Variants in UPP2 observed in about 807,000 individuals in gnomAD.
UPP2 encodes the protein UPase 2.
In UPP2, 23 loss-of-function variants were observed where a neutral mutation model predicts 26.7. That is an observed-to-expected ratio of 0.86 (90% CI 0.62 to 1.22). The LOEUF is 1.22. UPP2 is among the 50% of genes most tolerant of loss of function. The pLI, the probability that UPP2 is intolerant of heterozygous loss-of-function variation, is 0.00. For synonymous variants in UPP2, 127 were observed against 141.3 expected (o/e 0.90, Z 0.72); for missense variants, 387 against 396.7 (o/e 0.98, Z 0.21).
At chr2:158,033,609 G>A (rs1276347229) in intron 3 of UPP2, among the ~76,000 whole-genome samples, 3 of 152,158 alleles carry the variant, frequency 2.0e-5, no homozygotes, top group African/African-American at 7.2e-5. Context: ...TCCATGTAGG[G>A]CAATTCCTTG....
chr2:158,047,998 A>G (rs559215712), intron 3 of UPP2, among the ~76,000 whole-genome samples: 7 of 147,782 alleles, frequency 4.7e-5, no homozygotes, highest in African/African-American at 1.9e-4. Flanking sequence ...CTGAGCAGAG[A>G]GTTCAGTGAG....
At chr2:158,124,149 C>T (rs899145514) in intron 6 of UPP2, among the ~76,000 whole-genome samples, 5 of 152,164 alleles carry the variant, frequency 3.3e-5, no homozygotes, top group Admixed American at 1.3e-4. Context: ...ACAGCAAGTT[C>T]AGTTTCCTTC....
rs1444068597 is a variant in UPP2, at chr2:158,066,627, A to ATC, written c.148-35412_148-35411insCT. 2.8e-3 allele frequency among the ~76,000 whole-genome samples: 205 copies of ATC among 72,982 alleles called. 2 individuals carry two copies. The highest frequency in any genetic ancestry group is 0.011 in the African/African-American group (198 of 17,808). The allele number at this position is 72,982 out of a possible 152,430, so 47.9% of individuals were successfully genotyped here. On this transcript the variant is annotated intron_variant, in intron 3 of 9. Coordinates refer to the UPP2 transcript ENST00000605860. ...AAATATCAGATTTGTTTAACCATTG[A>ATC]TTCTTTTTTTTTTTTTACCATGTCT...
intron 3 of UPP2, among the ~76,000 whole-genome samples, chr2:158,036,819 G>A (rs1684008391): frequency 6.6e-6 from 1 of 152,042 alleles, no homozygotes; most frequent in Non-Finnish European, 1.5e-5. Flanking sequence ...GTTGAAAGGG[G>A]GCACAGTCAA....
intron 2 of UPP2, among the ~76,000 whole-genome samples, chr2:158,006,718 T>A (rs1438796843): frequency 1.3e-5 from 2 of 152,296 alleles, no homozygotes; most frequent in East Asian, 1.9e-4. Flanking sequence ...CCATCTCCAG[T>A]GGGCGTCTTC....
upstream of UPP2, chr2:158,101,862 A>C: frequency 7.4e-7 from 1 of 1,343,712 alleles, no homozygotes; most frequent in South Asian, 2.0e-5. Context: ...GTCAGGGAGG[A>C]CATCTTTTAT....
At chr2:158,101,108 G>A (rs1297748661), upstream of UPP2, among the ~76,000 whole-genome samples, 3 of 152,178 alleles carry the variant, frequency 2.0e-5, no homozygotes, top group Non-Finnish European at 4.4e-5. Flanking sequence ...TTGCCTGAAA[G>A]CCATGAGACT....
At chr2:158,096,897 A>C (rs6437132), upstream of UPP2, among the ~76,000 whole-genome samples, 17,026 of 152,042 alleles carry the variant, frequency 0.11, 1,938 homozygotes, top group African/African-American at 0.29. Flanking sequence ...TACTTCCCAA[A>C]TTTAGGGTTA....
chr2:158,040,185 G>A (rs1684064900), intron 3 of UPP2, among the ~76,000 whole-genome samples: 1 of 152,182 alleles, frequency 6.6e-6, no homozygotes. Flanking sequence ...TCTCCCACTG[G>A]CTTCCCTCCT....
chr2:158,127,950 G>A (rs1683729121), intron 6 of UPP2: 3 of 967,670 alleles, frequency 3.1e-6, no homozygotes, highest in Non-Finnish European at 2.5e-6. Flanking sequence ...GCACATATCT[G>A]TGTCTCTCTT....
intron 2 of UPP2, chr2:157,995,268 G>A: frequency 6.2e-7 from 1 of 1,613,532 alleles, no homozygotes; most frequent in South Asian, 1.1e-5. Flanking sequence ...AGGTTAGTGA[G>A]GGAAGAGGAG....
At chr2:158,058,203 G>C (rs533746631) in intron 3 of UPP2, among the ~76,000 whole-genome samples, 1 of 150,622 alleles carries the variant, frequency 6.6e-6, no homozygotes, top group South Asian at 2.1e-4. Flanking sequence ...TGAGGCAGGA[G>C]AATGGCATGA....
intron 3 of UPP2, among the ~76,000 whole-genome samples, chr2:158,023,831 A>C (rs72936813): frequency 0.074 from 11,328 of 152,130 alleles, 479 homozygotes; most frequent in Non-Finnish European, 0.098. Context: ...ACTGTGGTGG[A>C]GCCTCCTATG....
intron 3 of UPP2, among the ~76,000 whole-genome samples, chr2:158,115,983 G>C (rs1683422769): frequency 6.6e-6 from 1 of 152,174 alleles, no homozygotes; most frequent in African/African-American, 2.4e-5. Context: ...GGCATGCCAG[G>C]GGACAGGGGA....
chr2:158,029,594 T>C (rs578175788), intron 3 of UPP2, among the ~76,000 whole-genome samples: 3 of 152,298 alleles, frequency 2.0e-5, no homozygotes, highest in Admixed American at 6.5e-5. Flanking sequence ...TGGGACACTT[T>C]TGAGCATAAA....
intron 3 of UPP2, chr2:158,065,902 T>C (rs1226558109): frequency 1.7e-6 from 1 of 598,540 alleles, no homozygotes; most frequent in Non-Finnish European, 3.1e-6. Context: ...CTAGCATTAA[T>C]TGAAGGCAAA....
chr2:158,083,578 G>A (rs1574281105), intron 3 of UPP2, among the ~76,000 whole-genome samples: 2 of 151,820 alleles, frequency 1.3e-5, no homozygotes, highest in South Asian at 2.1e-4. Flanking sequence ...TAGGGGAGGG[G>A]TAGCATTAGG....
rs1193210380 is a variant in UPP2 at position 158,031,537 on chromosome 2, T to G, written c.147+15651T>G. On this transcript the variant is annotated intron_variant, in intron 3 of 9. Transcript: ENST00000605860. ...GAGGAGTGCAGAGATCTGGGAAACC[T>G]GAGCTGTTGGAACATCTCCAGGACC... 2.6e-5 allele frequency among the ~76,000 whole-genome samples: 4 copies of G among 152,328 alleles called. No individual in the cohort carries two copies. The East Asian group carries it at 7.7e-4, about 29-fold the overall frequency.
intron 3 of UPP2, among the ~76,000 whole-genome samples, chr2:158,061,439 G>A (rs1196423855): frequency 2.0e-5 from 3 of 152,076 alleles, no homozygotes; most frequent in Non-Finnish European, 4.4e-5. Flanking sequence ...TTTTCTAAAG[G>A]GTCTTTACAT....
Sources: gnomAD v4.1 joint callset for allele counts (sites outside exome capture counted in the v4.1 genomes callset) on GRCh38, gnomAD v4.1.1 for gene constraint, MANE v1.5 for transcripts, NCBI Gene and HGNC (gene_info 2026-07-23, HGNC 2026-07-21) for gene names.